The following TGFBR3 variants were observed in gnomAD, a reference collection of about 807,000 sequenced individuals.
The protein encoded by TGFBR3 is transforming growth factor beta receptor 3.
TGFBR3 carries 46 observed loss-of-function variants against 87.9 expected under a neutral mutation model. That is an observed-to-expected ratio of 0.52 (90% confidence interval 0.41 to 0.67). The LOEUF is 0.67. Among genes scored for constraint, TGFBR3 ranks in the 30% least tolerant of loss-of-function variants. The pLI is 0.00. For missense variants in TGFBR3, 866 were observed against 1,041.9 expected (o/e 0.83, Z 2.32); for synonymous variants, 381 against 391.6 (o/e 0.97, Z 0.32).
intron 1 of TGFBR3, among the ~76,000 whole-genome samples, chr1:91,875,794 G>T (rs189517315): frequency 9.8e-5 from 5 of 51,026 alleles, no homozygotes; most frequent in South Asian, 1.5e-3. Flanking sequence ...CGGGGGGGGG[G>T]GGTGGGAGTG....
intron 2 of TGFBR3, among the ~76,000 whole-genome samples, chr1:91,837,027 T>C (rs1010865862): frequency 2.0e-5 from 3 of 152,050 alleles, no homozygotes; most frequent in Non-Finnish European, 4.4e-5. Flanking sequence ...TTCCCCATTT[T>C]AAAAAACTAA....
At chr1:91,787,552 C>T (rs1020229309) in intron 3 of TGFBR3, among the ~76,000 whole-genome samples, 35 of 152,180 alleles carry the variant, frequency 2.3e-4, no homozygotes, top group Admixed American at 2.0e-4. Flanking sequence ...TGTAGTTCCA[C>T]TGGAGAAGCC....
At chr1:91,764,975 G>A (rs1674121491) in intron 3 of TGFBR3, among the ~76,000 whole-genome samples, 1 of 152,168 alleles carries the variant, frequency 6.6e-6, no homozygotes, top group South Asian at 2.1e-4. Flanking sequence ...ACGGCCACAT[G>A]CTGCCCAGGA....
At chr1:91,804,113 C>T (rs1191924667) in intron 2 of TGFBR3, among the ~76,000 whole-genome samples, 1 of 152,104 alleles carries the variant, frequency 6.6e-6, no homozygotes, top group African/African-American at 2.4e-5. Context: ...AAGGGACTGT[C>T]TGTCTCAGAC....
At chr1:91,793,649 A>G (rs940610464) in intron 3 of TGFBR3, among the ~76,000 whole-genome samples, 1 of 152,012 alleles carries the variant, frequency 6.6e-6, no homozygotes, top group Admixed American at 6.6e-5. Flanking sequence ...TACTAAAAAT[A>G]TAAAAAATTA....
At chr1:91,755,219 A>G (rs1354175649) in intron 4 of TGFBR3, among the ~76,000 whole-genome samples, 1 of 152,148 alleles carries the variant, frequency 6.6e-6, no homozygotes, top group Non-Finnish European at 1.5e-5. Context: ...AGAACACACT[A>G]CTGGATTTCT....
At chr1:91,707,882 G>C (rs936244975) in intron 14 of TGFBR3, among the ~76,000 whole-genome samples, 2 of 152,168 alleles carry the variant, frequency 1.3e-5, no homozygotes, top group Non-Finnish European at 2.9e-5. Context: ...CTGTGATGCG[G>C]GTCCTTGTCA....
At position 91,797,312 on chromosome 1, in the gene TGFBR3, T is replaced by C. The variant is rs1675426876; in HGVS notation, c.221A>G (p.Gln74Arg). 1 of 1,614,062 alleles carries C rather than the reference T, an allele frequency of 6.2e-7. No homozygotes were observed. The highest frequency in any genetic ancestry group is 1.3e-5 in the African/African-American group (1 of 74,948). Reference sequence around the variant, plus strand: ...CTCTCTCTGTAGCTGGCCAGGCCCCTGGCCTGCAGTGCGGAGATTCAGGAC... The same window carrying C: ...CTCTCTCTGTAGCTGGCCAGGCCCCCGGCCTGCAGTGCGGAGATTCAGGAC... ...VHVLNLRTAG[Q>R]GPGQLQREVT... The change falls in exon 3 of 17, where the codon CAG becomes CGG. Residue 74 changes from glutamine to arginine, a missense_variant. Gln to Arg is a conservative substitution (Grantham distance 43). Transcript: ENST00000212355.
chr1:91,878,622 C>A (rs1243978051), intron 1 of TGFBR3, among the ~76,000 whole-genome samples: 1 of 152,166 alleles, frequency 6.6e-6, no homozygotes, highest in South Asian at 2.1e-4. Flanking sequence ...TGCAGACCTT[C>A]GCCCAAGGCA....
At chr1:91,784,443 C>G (rs1465759306) in intron 3 of TGFBR3, among the ~76,000 whole-genome samples, 1 of 152,224 alleles carries the variant, frequency 6.6e-6, no homozygotes, top group Non-Finnish European at 1.5e-5. Flanking sequence ...AAGCAGTCCA[C>G]TCACCAGCTG....
chr1:91,721,737 C>T (rs530756379), intron 8 of TGFBR3, among the ~76,000 whole-genome samples: 1 of 152,178 alleles, frequency 6.6e-6, no homozygotes, highest in African/African-American at 2.4e-5. Context: ...TAACAAAGTT[C>T]TCTGAATATG....
At chr1:91,819,952 G>C (rs1467129728) in intron 2 of TGFBR3, among the ~76,000 whole-genome samples, 1 of 152,176 alleles carries the variant, frequency 6.6e-6, no homozygotes, top group East Asian at 1.9e-4. Flanking sequence ...GTCACTTTAT[G>C]CAAGCCACAG....
intron 2 of TGFBR3, among the ~76,000 whole-genome samples, chr1:91,799,794 C>T (rs1557716941): frequency 6.6e-6 from 1 of 152,100 alleles, no homozygotes; most frequent in African/African-American, 2.4e-5. Context: ...CCTTAAATCA[C>T]CATACTGCTC....
Position 91,681,916 on chromosome 1 carries a change from GA to G in TGFBR3, c.*1822del, listed in dbSNP as rs1381356011. On this transcript the variant is annotated 3_prime_UTR_variant, in exon 17 of 17. Coordinates refer to ENST00000212355, the MANE Select transcript of TGFBR3 (RefSeq NM_003243.5). ...CCCTTCTGTTAAAAAAAAATTAAAG[GA>G]AAAAAATTCTCTAAACTCATGTCTT... The G allele has an allele frequency of 4.5e-6, 2 of 448,040 alleles. No homozygotes were observed. Among genetic ancestry groups the G allele is most frequent in the African/African-American group, 2.0e-5 (1 of 49,392 alleles). 27.8% of individuals were successfully genotyped at this position (448,040 alleles called of 1,614,324 possible). A position where few individuals can be genotyped will look rare whatever the true frequency, so the allele number is the denominator to read the frequency against.
At chr1:91,894,831 C>T (rs1466072577) in intron 2 of TGFBR3, among the ~76,000 whole-genome samples, 1 of 152,234 alleles carries the variant, frequency 6.6e-6, no homozygotes, top group Non-Finnish European at 1.5e-5. Flanking sequence ...AGTGCAGTGG[C>T]ACAAACTCGG....
chr1:91,745,061 T>C (rs573456649), intron 4 of TGFBR3, among the ~76,000 whole-genome samples: 285 of 152,238 alleles, frequency 1.9e-3, no homozygotes, highest in African/African-American at 6.6e-3. Context: ...TGTGGTCCAT[T>C]TGGAACTTGA....
At chr1:91,905,543 G>A (rs1026009765) in intron 1 of TGFBR3, among the ~76,000 whole-genome samples, 8 of 152,000 alleles carry the variant, frequency 5.3e-5, no homozygotes, top group Admixed American at 4.6e-4. Context: ...AGCGATTCTC[G>A]TGCCTCAGCC....
chr1:91,800,624 A>G (rs971859537), intron 2 of TGFBR3, among the ~76,000 whole-genome samples: 3 of 152,136 alleles, frequency 2.0e-5, no homozygotes, highest in Non-Finnish European at 4.4e-5. Flanking sequence ...GAAGTTCCTC[A>G]TAGAATTTTT....
At chr1:91,703,607 CCT>C (rs1209041814) in intron 14 of TGFBR3, among the ~76,000 whole-genome samples, 1 of 152,140 alleles carries the variant, frequency 6.6e-6, no homozygotes, top group East Asian at 1.9e-4. Context: ...AATGGTTACT[CCT>C]CTCTTTCACA....
Sources: allele counts gnomAD v4.1 joint callset (sites outside exome capture counted in the v4.1 genomes callset), GRCh38; gene constraint gnomAD v4.1.1; transcripts MANE v1.5; gene names NCBI Gene and HGNC (gene_info 2026-07-23, HGNC 2026-07-21).